The following SHROOM3 variants were observed in gnomAD, a reference collection of about 807,000 sequenced individuals.
The protein encoded by SHROOM3 is shroom family member 3.
A neutral mutation model predicts 138.6 loss-of-function variants in SHROOM3; 47 were observed. That is an observed-to-expected ratio of 0.34 (90% CI 0.27 to 0.43). SHROOM3 has a LOEUF of 0.43. Ranked by LOEUF, SHROOM3 falls within the 20% of genes least tolerant of loss-of-function variation. The pLI, the probability that SHROOM3 is intolerant of heterozygous loss-of-function variation, is 1.00. For synonymous variants in SHROOM3, 1,062 were observed against 1,063.3 expected, an observed-to-expected ratio of 1.00 and a Z score of 0.02; for missense variants, 2,491 against 2,596.5, an observed-to-expected ratio of 0.96 and a Z score of 0.88.
At chr4:76,742,152 C>T in intron 5 of SHROOM3, 1 of 626,942 alleles carries the variant, frequency 1.6e-6, no homozygotes, top group Non-Finnish European at 2.9e-6. Flanking sequence ...TATACAGATT[C>T]TCTATCTATC....
intron 1 of SHROOM3, among the ~76,000 whole-genome samples, chr4:76,450,147 A>G (rs754035570): frequency 7.2e-5 from 11 of 152,226 alleles, no homozygotes; most frequent in Non-Finnish European, 1.5e-4. Context: ...AAAAAGCAGC[A>G]CAGAAGAAAA....
At chr4:76,568,078 C>T (rs1733765144) in intron 2 of SHROOM3, among the ~76,000 whole-genome samples, 1 of 152,160 alleles carries the variant, frequency 6.6e-6, no homozygotes, top group Admixed American at 6.5e-5. Flanking sequence ...CTCTGTCACA[C>T]ATACTAGAAT....
At chr4:76,460,820 G>GCCC (rs1731124615) in intron 1 of SHROOM3, among the ~76,000 whole-genome samples, 1 of 26,780 alleles carries the variant, frequency 3.7e-5, no homozygotes. Context: ...GTGAAAGCCC[G>GCCC]TATCTACAAA....
chr4:76,748,520 A>C (rs1721516719), intron 5 of SHROOM3, among the ~76,000 whole-genome samples: 1 of 152,172 alleles, frequency 6.6e-6, no homozygotes, highest in African/African-American at 2.4e-5. Flanking sequence ...ACTTTTTCCT[A>C]GAATTTATTG....
chr4:76,695,883 C>A (rs139722481), intron 2 of SHROOM3, among the ~76,000 whole-genome samples: 1 of 152,240 alleles, frequency 6.6e-6, no homozygotes, highest in Admixed American at 6.5e-5. Flanking sequence ...CCAGACCCAT[C>A]GAAGAAGCCC....
chr4:76,710,422 C>A, intron 3 of SHROOM3, 135 bp downstream of exon 3: 1 of 1,045,578 alleles, frequency 9.6e-7, no homozygotes. Context: ...AGAGGCAGAA[C>A]AAGGAGGCGA....
chr4:76,775,759 CATAT>C (rs907834801), intron 10 of SHROOM3, among the ~76,000 whole-genome samples: 8 of 149,994 alleles, frequency 5.3e-5, no homozygotes, highest in South Asian at 2.1e-4. Context: ...ATACACACAC[CATAT>C]ATATGTGTAC....
At chr4:76,699,991 C>A (rs924289141) in intron 2 of SHROOM3, among the ~76,000 whole-genome samples, 6 of 152,118 alleles carry the variant, frequency 3.9e-5, no homozygotes, top group African/African-American at 1.4e-4. Flanking sequence ...AATTCCCATT[C>A]GAATGAGACA....
At chr4:76,561,763 A>ACTTTG (rs1309687967) in intron 2 of SHROOM3, among the ~76,000 whole-genome samples, 34 of 151,696 alleles carry the variant, frequency 2.2e-4, no homozygotes, top group Non-Finnish European at 4.3e-4. Flanking sequence ...TAATCCCAGC[A>ACTTTG]CTTTGGAAGG....
chr4:76,522,895 T>G (rs945946853), intron 1 of SHROOM3, among the ~76,000 whole-genome samples: 1 of 152,196 alleles, frequency 6.6e-6, no homozygotes, highest in Non-Finnish European at 1.5e-5. Flanking sequence ...ATACATACAT[T>G]TTCTATTAAT....
At chr4:76,532,492 C>T (rs976425847) in intron 1 of SHROOM3, among the ~76,000 whole-genome samples, 5 of 152,164 alleles carry the variant, frequency 3.3e-5, no homozygotes, top group Non-Finnish European at 5.9e-5. Flanking sequence ...GGGAGACATT[C>T]CAAGACCCCC....
intron 2 of SHROOM3, 166 bp from the exon 3 acceptor site, chr4:76,709,990 G>C (rs1720182054): frequency 1.3e-6 from 1 of 750,770 alleles, no homozygotes; most frequent in African/African-American, 1.7e-5. Context: ...CCTTCGTAGG[G>C]CAGAGAACTT....
intron 1 of SHROOM3, among the ~76,000 whole-genome samples, chr4:76,536,992 A>G (rs757521007): frequency 6.6e-6 from 1 of 152,168 alleles, no homozygotes; most frequent in Non-Finnish European, 1.5e-5. Flanking sequence ...AGGAGCCTGT[A>G]ATCCCAGCTA....
chr4:76,749,061 T>C lies in SHROOM3; in HGVS notation c.3798T>C (p.Asp1266=). Residue 1266 remains aspartate, a synonymous_variant, in exon 6 of 11, where the codon GAT becomes GAC. Coordinates refer to ENST00000296043, the MANE Select transcript of SHROOM3 (RefSeq NM_020859.4). Reference sequence around the variant, plus strand: ...ACAGTGGCTTTGGTCTTGTGAAGGATCCATGTTATTTGGCTGGTCCTGGAT... The same window carrying C: ...ACAGTGGCTTTGGTCTTGTGAAGGACCCATGTTATTTGGCTGGTCCTGGAT... The part of the protein sequence containing the change: ...GQDSGFGLVK[D]PCYLAGPGSR... The C allele has an allele frequency of 6.2e-7, 1 of 1,614,048 alleles. No homozygotes were observed. Among genetic ancestry groups the C allele is most frequent in the Non-Finnish European group, 8.5e-7 (1 of 1,179,948 alleles).
chr4:76,496,019 T>A (rs1579193902), intron 1 of SHROOM3, among the ~76,000 whole-genome samples: 2 of 152,234 alleles, frequency 1.3e-5, no homozygotes, highest in African/African-American at 4.8e-5. Context: ...AAGCTGTTCA[T>A]ACAATGGAAG....
rs1335917335 is a variant in SHROOM3, at chr4:76,740,549, G to T, written c.2376G>T (p.Glu792Asp). 1 of 1,614,166 alleles carries T rather than the reference G, an allele frequency of 6.2e-7. No individual in the cohort carries two copies. The highest frequency in any genetic ancestry group is 1.1e-5 in the South Asian group (1 of 91,090). Residue 792 changes from glutamate to aspartate, a missense_variant, in exon 5 of 11, where the codon GAG becomes GAT. This residue lies in a region of SHROOM3 where 1,733 missense variants were observed against 1,661.6 expected (regional missense o/e 1.04). Transcript: ENST00000296043. The surrounding 1 kb of genome is among the most constrained non-coding windows in gnomAD (Gnocchi z 4.0). Reference sequence around the variant, plus strand: ...AGGTCTCCAAATTCGAGCAGCGAGAGCAAGGGAGCCAGAGACCGAGTGTGG... The same window carrying T: ...AGGTCTCCAAATTCGAGCAGCGAGATCAAGGGAGCCAGAGACCGAGTGTGG... Reference protein sequence around the residue: ...LEKVSKFEQREQGSQRPSVGG... With the variant: ...LEKVSKFEQRDQGSQRPSVGG...
chr4:76,771,812 C>G (rs1197989827), intron 10 of SHROOM3, among the ~76,000 whole-genome samples: 1 of 152,148 alleles, frequency 6.6e-6, no homozygotes, highest in Admixed American at 6.5e-5. Flanking sequence ...CCGCATTGAA[C>G]AGAATTCCAG....
chr4:76,470,646 G>A (rs1731350492), intron 1 of SHROOM3, among the ~76,000 whole-genome samples: 1 of 152,114 alleles, frequency 6.6e-6, no homozygotes. Flanking sequence ...TAATTACATG[G>A]CCTAATAGAT....
At chr4:76,626,350 G>A (rs537159851) in intron 2 of SHROOM3, among the ~76,000 whole-genome samples, 7 of 152,198 alleles carry the variant, frequency 4.6e-5, no homozygotes, top group South Asian at 2.1e-4. Flanking sequence ...ATTTAAATAA[G>A]ACAAGTTGAG....
Sources: gnomAD v4.1 joint callset for allele counts (sites outside exome capture counted in the v4.1 genomes callset) on GRCh38, gnomAD v4.1.1 for gene constraint, gnomAD v4.1.1 regional missense constraint, Gnocchi (gnomAD v3.1) non-coding constraint, MANE v1.5 for transcripts, NCBI Gene and HGNC (gene_info 2026-07-23, HGNC 2026-07-21) for gene names.